The following PAK5 variants were observed in gnomAD, a reference collection of about 807,000 sequenced individuals.
The protein encoded by PAK5 is p21 (RAC1) activated kinase 5.
A neutral mutation model predicts 65.9 loss-of-function variants in PAK5; 16 were observed. The ratio of observed to expected loss-of-function variants is 0.24; its 90% CI spans 0.16 to 0.37. The LOEUF (loss-of-function observed/expected upper bound fraction) is 0.37. Among genes scored for constraint, PAK5 ranks in the 10% least tolerant of loss-of-function variants. The probability of loss-of-function intolerance (pLI) is 1.00; values close to 1 mark genes in which losing one functional copy is unlikely to be tolerated. For missense variants in PAK5, 785 were observed against 903.9 expected, an observed-to-expected ratio of 0.87 and a Z score of 1.69; for synonymous variants, 371 against 354.9, an observed-to-expected ratio of 1.05 and a Z score of -0.51.
intron 3 of PAK5, among the ~76,000 whole-genome samples, chr20:9,599,665 A>G (rs950705068): frequency 5.3e-5 from 8 of 152,220 alleles, no homozygotes; most frequent in African/African-American, 1.9e-4. Context: ...CTGGAGCAGT[A>G]TCTAGCTATG....
chr20:9,706,927 TGTCA>T (rs1184029296), intron 2 of PAK5, among the ~76,000 whole-genome samples: 3 of 152,172 alleles, frequency 2.0e-5, no homozygotes, highest in Admixed American at 1.3e-4. Flanking sequence ...CCCATTTGTC[TGTCA>T]CTTTTTCATA....
At chr20:9,806,616 C>T (rs1467624726) in intron 1 of PAK5, among the ~76,000 whole-genome samples, 1 of 152,104 alleles carries the variant, frequency 6.6e-6, no homozygotes, top group African/African-American at 2.4e-5. Context: ...TGCAAAGCTA[C>T]CTTCTCTTTT....
intron 3 of PAK5, among the ~76,000 whole-genome samples, chr20:9,600,024 A>G (rs755426746): frequency 1.4e-4 from 22 of 152,178 alleles, no homozygotes; most frequent in Non-Finnish European, 2.1e-4. Context: ...TAATTTATGT[A>G]TATGGTATAA....
At chr20:9,827,855 A>G (rs1978389725) in intron 1 of PAK5, among the ~76,000 whole-genome samples, 1 of 152,198 alleles carries the variant, frequency 6.6e-6, no homozygotes, top group South Asian at 2.1e-4. Context: ...ATTTAGAGAC[A>G]GAGTCTTGCT....
At chr20:9,702,463 A>G (rs1313171137) in intron 2 of PAK5, among the ~76,000 whole-genome samples, 1 of 152,190 alleles carries the variant, frequency 6.6e-6, no homozygotes, top group South Asian at 2.1e-4. Flanking sequence ...CCGATTGTAC[A>G]TCATGTATTA....
intron 1 of PAK5, among the ~76,000 whole-genome samples, chr20:9,782,652 T>C (rs1308100677): frequency 6.6e-6 from 1 of 152,150 alleles, no homozygotes; most frequent in African/African-American, 2.4e-5. Context: ...CTCCCTTTCA[T>C]TCATTAAACT....
chr20:9,578,958 C>T lies in PAK5; in HGVS notation c.990+1187G>A, dbSNP rs1036446837. The stretch of plus-strand genomic sequence containing the variant: ...TCAAGATTTGTTTTTAATTTTATAT[C>T]CTGGGAACTAAGGTGACAGCTTTTT... On this transcript the variant is annotated intron_variant, in intron 4 of 9. Coordinates refer to ENST00000353224, the MANE Select transcript of PAK5 (RefSeq NM_177990.4). 4.6e-5 allele frequency among the ~76,000 whole-genome samples: 7 copies of T among 152,012 alleles called. No individual in the cohort carries two copies. In the East Asian group the frequency reaches 9.6e-4, roughly 21 times the overall value.
intron 1 of PAK5, among the ~76,000 whole-genome samples, chr20:9,751,368 A>G (rs1337159354): frequency 6.6e-6 from 1 of 152,112 alleles, no homozygotes; most frequent in Non-Finnish European, 1.5e-5. Context: ...GATTCCTACA[A>G]TACAACTGTC....
intron 3 of PAK5, among the ~76,000 whole-genome samples, chr20:9,601,774 T>C (rs2123108842): frequency 6.6e-6 from 1 of 152,142 alleles, no homozygotes; most frequent in South Asian, 2.1e-4. Flanking sequence ...CCATCTGCCC[T>C]GAAAAAAACC....
At chr20:9,546,767 A>C (rs1055311821) in intron 7 of PAK5, among the ~76,000 whole-genome samples, 3 of 152,218 alleles carry the variant, frequency 2.0e-5, no homozygotes, top group Non-Finnish European at 4.4e-5. Context: ...CATCCCTAGT[A>C]GCCTCTAGTT....
intron 1 of PAK5, among the ~76,000 whole-genome samples, chr20:9,772,123 T>A (rs1020179370): frequency 6.6e-6 from 1 of 152,104 alleles, no homozygotes; most frequent in Non-Finnish European, 1.5e-5. Context: ...CAGGCAGCTA[T>A]GGGAGTTAAC....
intron 2 of PAK5, among the ~76,000 whole-genome samples, chr20:9,673,465 T>C (rs1180614768): frequency 6.6e-6 from 1 of 152,136 alleles, no homozygotes; most frequent in Non-Finnish European, 1.5e-5. Flanking sequence ...GACTGCAGAG[T>C]TAATTTTTAA....
chr20:9,572,962 C>G (rs1260020348), intron 4 of PAK5, among the ~76,000 whole-genome samples: 1 of 152,094 alleles, frequency 6.6e-6, no homozygotes, highest in Admixed American at 6.5e-5. Flanking sequence ...ACCCAGGCTG[C>G]TAAACTGCTT....
intron 9 of PAK5, among the ~76,000 whole-genome samples, chr20:9,541,264 G>A (rs1053968149): frequency 3.9e-5 from 6 of 152,052 alleles, no homozygotes; most frequent in Non-Finnish European, 2.9e-5. Flanking sequence ...GTGTGTATGG[G>A]GCCAGTGTTT....
intron 4 of PAK5, among the ~76,000 whole-genome samples, chr20:9,578,121 A>T (rs1455896553): frequency 6.6e-6 from 1 of 152,144 alleles, no homozygotes; most frequent in Non-Finnish European, 1.5e-5. Context: ...ATAGGAAAAT[A>T]TTGAGCAGGG....
chr20:9,551,905 T>C (rs1568958196), intron 7 of PAK5, among the ~76,000 whole-genome samples: 1 of 152,154 alleles, frequency 6.6e-6, no homozygotes, highest in Admixed American at 6.5e-5. Context: ...CAGATAACAG[T>C]GGCCAGAAAA....
chr20:9,628,994 T>C (rs2046885970), intron 3 of PAK5, among the ~76,000 whole-genome samples: 1 of 152,228 alleles, frequency 6.6e-6, no homozygotes, highest in Non-Finnish European at 1.5e-5. Context: ...TGAGTCGGCT[T>C]GCCTATGGGG....
intron 4 of PAK5, among the ~76,000 whole-genome samples, chr20:9,577,117 T>A (rs980415874): frequency 6.6e-6 from 1 of 152,196 alleles, no homozygotes; most frequent in Non-Finnish European, 1.5e-5. Context: ...GCAGTTTTCA[T>A]AATTTTGTGG....
intron 1 of PAK5, among the ~76,000 whole-genome samples, chr20:9,821,615 G>C (rs941633691): frequency 1.3e-5 from 2 of 152,022 alleles, no homozygotes; most frequent in Non-Finnish European, 1.5e-5. Context: ...AGCCACCTGG[G>C]TTATTTTTGA....
Sources: gnomAD v4.1 joint callset for allele counts (sites outside exome capture counted in the v4.1 genomes callset) on GRCh38, gnomAD v4.1.1 for gene constraint, MANE v1.5 for transcripts, NCBI Gene and HGNC (gene_info 2026-07-23, HGNC 2026-07-21) for gene names.